Variants in ALG12 observed in about 807,000 individuals in gnomAD.
ALG12 encodes ALG12 alpha-1,6-mannosyltransferase, also known as dol-P-Man:Man(7)GlcNAc(2)-PP-Dol alpha-1,6-mannosyltransferase.
A neutral mutation model predicts 46.0 loss-of-function variants in ALG12; 36 were observed. The observed-to-expected ratio is 0.78, with a 90% CI of 0.60 to 1.03. ALG12 has a LOEUF of 1.03. ALG12 is among the 50% of genes least tolerant of loss of function. The probability of loss-of-function intolerance (pLI) is 0.00; values close to 1 mark genes in which losing one functional copy is unlikely to be tolerated. For missense variants in ALG12, 599 were observed against 633.5 expected, an observed-to-expected ratio of 0.95 and a Z score of 0.58; for synonymous variants, 326 against 291.6, an observed-to-expected ratio of 1.12 and a Z score of -1.20.
chr22:49,867,294 G>A, the ALG12 span, among the ~76,000 whole-genome samples: 7 of 152,178 alleles, frequency 4.6e-5, no homozygotes, highest in Non-Finnish European at 8.8e-5. Context: ...TGCCCAACGC[G>A]TATGTTATGG....
chr22:49,912,488 C>T (rs2060584180), intron 3 of ALG12, among the ~76,000 whole-genome samples: 1 of 152,198 alleles, frequency 6.6e-6, no homozygotes, highest in Admixed American at 6.5e-5. Context: ...TTCCTGATGC[C>T]TCTACAGGAC....
At chr22:49,918,079 A>AG (rs2060629330) in intron 1 of ALG12, 184 bp downstream of exon 1, 1 of 116,728 alleles carries the variant, frequency 8.6e-6, no homozygotes, top group African/African-American at 3.9e-5. Flanking sequence ...CCAGGTGAGG[A>AG]GCCCGGCCCC....
At position 49,909,945 on chromosome 22, in the gene ALG12, AAACCTTTC is replaced by A; in HGVS notation, c.605_612del (p.Arg202LeufsTer130). ...GCGTGGCGAAGGGCTCTGACTACAGAAACCTTTCGGTTGCCCAAGGCCAGCAGCAGCAG... is the reference window on the plus strand; with the variant it reads ...GCGTGGCGAAGGGCTCTGACTACAGAGGTTGCCCAAGGCCAGCAGCAGCAG... On this transcript the variant is annotated frameshift_variant, in exon 5 of 10. Coordinates refer to ENST00000330817, the MANE Select transcript of ALG12 (RefSeq NM_024105.4). LOFTEE classifies it high-confidence loss of function. The A allele has an allele frequency of 6.2e-7, 1 of 1,614,130 alleles. No homozygotes were observed. The highest frequency in any genetic ancestry group is 8.5e-7 in the Non-Finnish European group (1 of 1,180,006).
At chr22:49,888,507 C>T in the ALG12 span, 1 of 167,186 alleles carries the variant, frequency 6.0e-6, no homozygotes, top group African/African-American at 2.4e-5. Flanking sequence ...CTTTGTGGTC[C>T]ATTATCTAGA....
chr22:49,909,786 AG>A, intron 5 of ALG12, 107 bp downstream of exon 5: 1 of 1,447,292 alleles, frequency 6.9e-7, no homozygotes, highest in Non-Finnish European at 9.6e-7. Flanking sequence ...TGCTAAATTT[AG>A]GGTCATTTTA....
rs1390240633 is a variant in ALG12 at position 49,902,264 on chromosome 22, TGTGC to T, written c.*1570_*1573del. ...ACGTGTGCACTGTGTATGCATGGTG[TGTGC>T]ATGTGTGCACTGTATGCATAGTGTG... On this transcript the variant is annotated 3_prime_UTR_variant, in exon 10 of 10. Coordinates refer to ENST00000330817, the MANE Select transcript of ALG12 (RefSeq NM_024105.4). 1.7e-5 allele frequency: 2 copies of T among 120,146 alleles called. No homozygotes were observed. The highest frequency in any genetic ancestry group is 3.2e-5 in the Non-Finnish European group (2 of 63,352). The allele number at this position is 120,146 out of a possible 1,614,324, so 7.4% of individuals were successfully genotyped here.
At chr22:49,900,222 A>C (rs539768427), downstream of ALG12, 1 of 152,176 alleles carries the variant, frequency 6.6e-6, no homozygotes, top group South Asian at 2.1e-4. Context: ...TCTAGGAAAG[A>C]GGGGAATATA....
chr22:49,900,209 C>T (rs2060498409), downstream of ALG12: 1 of 152,184 alleles, frequency 6.6e-6, no homozygotes, highest in Non-Finnish European at 1.5e-5. Context: ...AAAGAATGCT[C>T]CGTCTAGGAA....
chr22:49,909,104 T>C, intron 6 of ALG12, 140 bp downstream of exon 6: 1 of 888,290 alleles, frequency 1.1e-6, no homozygotes, highest in Non-Finnish European at 1.9e-6. Flanking sequence ...CAGGAGCAAG[T>C]GGGAGGGAGG....
chr22:49,884,937 G>A, the ALG12 span: 29 of 1,608,142 alleles, frequency 1.8e-5, 1 homozygote, highest in East Asian at 6.7e-5. Context: ...AGGCCTCGGC[G>A]TCCTCTCCTG....
intron 5 of ALG12, among the ~76,000 whole-genome samples, chr22:49,909,570 A>ATCTCTAAAACTATCTCT (rs2060563517): frequency 6.6e-6 from 1 of 152,150 alleles, no homozygotes; most frequent in Non-Finnish European, 1.5e-5. Context: ...TCTCTAAAAC[A>ATCTCTAAAACTATCTCT]AAAAAAGAAA....
At position 49,909,948 on chromosome 22, in the gene ALG12, C is replaced by G. The variant is rs779494077; in HGVS notation, c.610G>C (p.Val204Leu). The G allele has an allele frequency of 5.6e-6, 9 of 1,614,104 alleles. No individual in the cohort carries two copies. The highest frequency in any genetic ancestry group is 7.6e-6 in the Non-Finnish European group (9 of 1,179,994). Reference sequence around the variant, plus strand: ...TGGCGAAGGGCTCTGACTACAGAAACCTTTCGGTTGCCCAAGGCCAGCAGC... The same window carrying G: ...TGGCGAAGGGCTCTGACTACAGAAAGCTTTCGGTTGCCCAAGGCCAGCAGC... Reference protein sequence around the residue: ...LLLLALGNRKVSVVRALRHAV... With the variant: ...LLLLALGNRKLSVVRALRHAV... The change falls in exon 5 of 10, where the codon GTT (valine) becomes CTT (leucine). Residue 204 changes from valine to leucine, a missense_variant. Physicochemically the swap from Val to Leu is conservative, Grantham distance 32. Coordinates refer to ENST00000330817, the MANE Select transcript of ALG12 (RefSeq NM_024105.4).
chr22:49,877,983 T>C, the ALG12 span, among the ~76,000 whole-genome samples: 1 of 152,046 alleles, frequency 6.6e-6, no homozygotes, highest in Non-Finnish European at 1.5e-5. Context: ...ATACTACATA[T>C]AAAGCTGCTG....
At chr22:49,897,968 T>C (rs1051403665), downstream of ALG12, among the ~76,000 whole-genome samples, 5 of 150,756 alleles carry the variant, frequency 3.3e-5, no homozygotes, top group African/African-American at 7.3e-5. Flanking sequence ...CTCAATCACA[T>C]TGTTTTCTTA....
rs2060530704 is a variant in ALG12 at position 49,904,242 on chromosome 22, T to G, written c.1175A>C (p.His392Pro). 1 of 1,614,054 alleles carries G rather than the reference T, an allele frequency of 6.2e-7. No homozygotes were observed. Among genetic ancestry groups the G allele is most frequent in the Non-Finnish European group, 8.5e-7 (1 of 1,179,964 alleles). The stretch of plus-strand genomic sequence containing the variant: ...TGTCTGGGCGGCTGCCACGTCAATG[T>G]GCAGAAGGACGTCTAGGAAAACCAG... ...LVPPQTDVLL[H>P]IDVAAAQTGV... The change falls in exon 9 of 10, where the codon CAC becomes CCC. Residue 392 changes from histidine (H) to proline (P), a missense_variant. Coordinates refer to ENST00000330817, the MANE Select transcript of ALG12 (RefSeq NM_024105.4).
chr22:49,901,898 GT>G lies in ALG12; in HGVS notation c.*1939del, dbSNP rs2060510241. On this transcript the variant is annotated 3_prime_UTR_variant, in exon 10 of 10. Coordinates refer to ENST00000330817, the MANE Select transcript of ALG12 (RefSeq NM_024105.4). ...CATGGTGTGTGCACGTGTGCACTGTGTGTATGCATGGTAATGTGCACGCATG... is the reference window on the plus strand; with the variant it reads ...CATGGTGTGTGCACGTGTGCACTGTGGTATGCATGGTAATGTGCACGCATG... 1 of 145,486 alleles carries G rather than the reference GT, an allele frequency of 6.9e-6. No homozygotes were observed. Among genetic ancestry groups the G allele is most frequent in the Non-Finnish European group, 1.5e-5 (1 of 66,490 alleles). 9.0% of individuals were successfully genotyped at this position (145,486 alleles called of 1,614,324 possible).
chr22:49,895,290 C>T (rs536778790), downstream of ALG12, among the ~76,000 whole-genome samples: 4 of 152,110 alleles, frequency 2.6e-5, no homozygotes, highest in African/African-American at 4.8e-5. Context: ...AGTCGTTTCT[C>T]GTTAGGGTCC....
At chr22:49,883,501 C>A in the ALG12 span, 4 of 1,019,096 alleles carry the variant, frequency 3.9e-6, no homozygotes, top group Non-Finnish European at 5.4e-6. Flanking sequence ...GTCACAGATT[C>A]TTTTTTTCAG....
chr22:49,878,580 G>A, the ALG12 span, among the ~76,000 whole-genome samples: 140,492 of 152,288 alleles, frequency 0.92, 64,907 homozygotes, highest in African/African-American at 0.98. Context: ...CAATCCTTCA[G>A]AGATCTAAAT....
Sources: gnomAD v4.1 joint callset for allele counts (sites outside exome capture counted in the v4.1 genomes callset) on GRCh38, gnomAD v4.1.1 for gene constraint, MANE v1.5 for transcripts, NCBI Gene and HGNC (gene_info 2026-07-23, HGNC 2026-07-21) for gene names.